Variants in GLRB observed in about 807,000 individuals in gnomAD.
GLRB encodes glycine receptor subunit beta.
In GLRB, 33 loss-of-function variants were observed where a neutral mutation model predicts 54.2. The ratio of observed to expected loss-of-function variants is 0.61; its 90% CI spans 0.46 to 0.81. GLRB has a LOEUF of 0.81. Among genes scored for constraint, GLRB ranks in the 40% least tolerant of loss-of-function variants. The probability of loss-of-function intolerance (pLI) is 0.00; values close to 1 mark genes in which losing one functional copy is unlikely to be tolerated. For missense variants in GLRB, 572 were observed against 584.6 expected (o/e 0.98, Z 0.22); for synonymous variants, 209 against 208.2 (o/e 1.00, Z -0.03).
intron 2 of GLRB, among the ~76,000 whole-genome samples, chr4:157,097,415 C>G (rs992540602): frequency 6.6e-6 from 1 of 152,094 alleles, no homozygotes; most frequent in Non-Finnish European, 1.5e-5. Flanking sequence ...TAATAAACAC[C>G]TATGTATTAA....
intron 2 of GLRB, among the ~76,000 whole-genome samples, chr4:157,090,383 G>A (rs1362143439): frequency 6.6e-6 from 1 of 152,168 alleles, no homozygotes; most frequent in Non-Finnish European, 1.5e-5. Context: ...CAGTTTAATG[G>A]CTGGTTTAAT....
chr4:157,121,709 G>T (rs1735827885), intron 3 of GLRB, among the ~76,000 whole-genome samples: 1 of 151,330 alleles, frequency 6.6e-6, no homozygotes, highest in African/African-American at 2.4e-5. Context: ...ACAACGAGCA[G>T]CCACAATGAG....
chr4:157,160,821 G>A (rs1250233716), intron 9 of GLRB, among the ~76,000 whole-genome samples: 1 of 152,172 alleles, frequency 6.6e-6, no homozygotes, highest in Non-Finnish European at 1.5e-5. Context: ...GATTTGGGGT[G>A]GGGAGTTCTG....
At chr4:157,086,402 A>T (rs1734414485) in intron 2 of GLRB, among the ~76,000 whole-genome samples, 1 of 152,224 alleles carries the variant, frequency 6.6e-6, no homozygotes, top group Admixed American at 6.5e-5. Flanking sequence ...ATGTTTAGAA[A>T]TAAAAAAGTA....
intron 7 of GLRB, among the ~76,000 whole-genome samples, chr4:157,140,175 G>T (rs1736555667): frequency 6.6e-6 from 1 of 151,880 alleles, no homozygotes; most frequent in Non-Finnish European, 1.5e-5. Context: ...AATAATTATG[G>T]AGGTTTTTAA....
intron 2 of GLRB, among the ~76,000 whole-genome samples, chr4:157,094,126 A>C (rs1207581698): frequency 1.3e-5 from 2 of 149,846 alleles, no homozygotes; most frequent in Non-Finnish European, 3.0e-5. Flanking sequence ...AAAGTGCACC[A>C]ATCATAAGCT....
At chr4:157,123,762 T>A (rs1464111604) in intron 4 of GLRB, among the ~76,000 whole-genome samples, 1 of 151,756 alleles carries the variant, frequency 6.6e-6, no homozygotes, top group Non-Finnish European at 1.5e-5. Context: ...GGAATCTATT[T>A]GATCTCCACA....
At chr4:157,095,343 C>T (rs1734769792) in intron 2 of GLRB, among the ~76,000 whole-genome samples, 1 of 149,290 alleles carries the variant, frequency 6.7e-6, no homozygotes, top group Non-Finnish European at 1.5e-5. Flanking sequence ...ACTGAGATAT[C>T]TGTTAAAAAC....
At chr4:157,098,349 CATT>C (rs1734889051) in intron 2 of GLRB, among the ~76,000 whole-genome samples, 1 of 152,042 alleles carries the variant, frequency 6.6e-6, no homozygotes, top group East Asian at 1.9e-4. Context: ...GGTAAGGAGA[CATT>C]ATTTGAAAAG....
intron 9 of GLRB, among the ~76,000 whole-genome samples, chr4:157,160,581 C>A (rs1034048344): frequency 6.6e-6 from 1 of 152,008 alleles, no homozygotes; most frequent in African/African-American, 2.4e-5. Flanking sequence ...GCCTTCATTT[C>A]GTTATGTATC....
intron 4 of GLRB, among the ~76,000 whole-genome samples, chr4:157,130,078 A>G (rs1277925937): frequency 3.3e-5 from 5 of 151,734 alleles, no homozygotes; most frequent in African/African-American, 9.7e-5. Context: ...TGTACTTTGC[A>G]TATAACATCT....
At chr4:157,125,905 G>A (rs920113125) in intron 4 of GLRB, among the ~76,000 whole-genome samples, 6 of 151,922 alleles carry the variant, frequency 3.9e-5, no homozygotes, top group African/African-American at 1.4e-4. Flanking sequence ...CTGAGATCAT[G>A]CCAAAGGAAG....
chr4:157,084,737 T>A, intron 2 of GLRB: 1 of 455,434 alleles, frequency 2.2e-6, no homozygotes, highest in South Asian at 1.6e-5. Context: ...AGGTTACTGT[T>A]GATTATTCAT....
intron 2 of GLRB, among the ~76,000 whole-genome samples, chr4:157,108,389 A>G (rs1277034138): frequency 6.6e-6 from 1 of 152,124 alleles, no homozygotes; most frequent in East Asian, 1.9e-4. Context: ...GTTATTTATG[A>G]AAGGAAGTCA....
chr4:157,077,937 C>A, intron 1 of GLRB, 59 bp from the exon 2 acceptor site: 1 of 1,105,672 alleles, frequency 9.0e-7, no homozygotes, highest in Non-Finnish European at 1.3e-6. Flanking sequence ...TTTAAAGGGA[C>A]AGTCATATAG....
chr4:157,099,420 T>G (rs899550440), intron 2 of GLRB, among the ~76,000 whole-genome samples: 5 of 152,006 alleles, frequency 3.3e-5, no homozygotes, highest in African/African-American at 1.2e-4. Flanking sequence ...CACTGCAACT[T>G]CTGCTTCCTG....
At chr4:157,135,407 C>G (rs1483982586) in intron 4 of GLRB, among the ~76,000 whole-genome samples, 1 of 152,096 alleles carries the variant, frequency 6.6e-6, no homozygotes, top group Non-Finnish European at 1.5e-5. Flanking sequence ...TCCCATAATT[C>G]TCACATGTGG....
chr4:157,143,582 C>T (rs913891974), intron 7 of GLRB, among the ~76,000 whole-genome samples: 2 of 152,154 alleles, frequency 1.3e-5, no homozygotes, highest in Admixed American at 1.3e-4. Flanking sequence ...ATCTATTTCT[C>T]AATGTCATAA....
intron 2 of GLRB, among the ~76,000 whole-genome samples, chr4:157,090,021 CTGT>C (rs1389476851): frequency 6.6e-6 from 1 of 152,138 alleles, no homozygotes; most frequent in Non-Finnish European, 1.5e-5. Flanking sequence ...TTTATGGTCT[CTGT>C]CAGGCCATAG....
Sources: gnomAD v4.1 joint callset for allele counts (sites outside exome capture counted in the v4.1 genomes callset) on GRCh38, gnomAD v4.1.1 for gene constraint, MANE v1.5 for transcripts, NCBI Gene and HGNC (gene_info 2026-07-23, HGNC 2026-07-21) for gene names.